Variants in SPAG16 observed in about 807,000 individuals in gnomAD.
SPAG16 encodes sperm associated antigen 16, also known as sperm-associated antigen 16 protein.
In SPAG16, 86 loss-of-function variants were observed where a neutral mutation model predicts 80.4. The ratio of observed to expected loss-of-function variants is 1.07; its 90% CI spans 0.90 to 1.28. SPAG16 has a LOEUF of 1.28. Ranked by LOEUF, SPAG16 falls within the 50% of genes most tolerant of loss-of-function variation. The pLI, the probability that SPAG16 is intolerant of heterozygous loss-of-function variation, is 0.00. For synonymous variants in SPAG16, 294 were observed against 265.9 expected, an observed-to-expected ratio of 1.11 and a Z score of -1.03; for missense variants, 870 against 765.3, an observed-to-expected ratio of 1.14 and a Z score of -1.61.
intron 10 of SPAG16, among the ~76,000 whole-genome samples, chr2:213,495,878 T>G (rs373625717): frequency 6.6e-6 from 1 of 152,222 alleles, no homozygotes; most frequent in East Asian, 1.9e-4. Context: ...GGGTCCGGCA[T>G]GGACAGAATA....
At chr2:214,229,364 G>C (rs1688527876) in intron 15 of SPAG16, among the ~76,000 whole-genome samples, 1 of 151,614 alleles carries the variant, frequency 6.6e-6, no homozygotes, top group Admixed American at 6.6e-5. Context: ...AGATGTGAGA[G>C]AGAAGAATGG....
At chr2:214,018,139 T>C (rs537052852) in intron 13 of SPAG16, among the ~76,000 whole-genome samples, 11 of 151,930 alleles carry the variant, frequency 7.2e-5, no homozygotes, top group Non-Finnish European at 1.2e-4. Flanking sequence ...TTAACGAAAA[T>C]ATTGATATAA....
intron 4 of SPAG16, among the ~76,000 whole-genome samples, chr2:213,316,427 C>T (rs915124186): frequency 6.6e-6 from 1 of 152,100 alleles, no homozygotes; most frequent in Non-Finnish European, 1.5e-5. Flanking sequence ...TAACTGGTCT[C>T]TCTGATTCTA....
At chr2:213,405,108 C>G (rs1007594220) in intron 9 of SPAG16, among the ~76,000 whole-genome samples, 4 of 152,088 alleles carry the variant, frequency 2.6e-5, no homozygotes, top group African/African-American at 9.7e-5. Context: ...TCACTACTGT[C>G]GAGTGTAACA....
chr2:213,441,178 A>G (rs1309824662), intron 9 of SPAG16, among the ~76,000 whole-genome samples: 1 of 152,212 alleles, frequency 6.6e-6, no homozygotes, highest in Non-Finnish European at 1.5e-5. Context: ...AAAATAAAAC[A>G]AAACTAAGCC....
chr2:213,895,928 A>T (rs1225673620), intron 11 of SPAG16, among the ~76,000 whole-genome samples: 3 of 150,756 alleles, frequency 2.0e-5, no homozygotes, highest in Admixed American at 1.3e-4. Flanking sequence ...AATAAAAAAT[A>T]AAAAAAAATG....
At chr2:213,308,697 T>C (rs758197435) in intron 3 of SPAG16, among the ~76,000 whole-genome samples, 11 of 152,148 alleles carry the variant, frequency 7.2e-5, no homozygotes, top group Non-Finnish European at 1.3e-4. Context: ...CCAAGGAAGA[T>C]TGCTTTGACA....
At chr2:214,213,684 TGCTCAGA>T (rs2058353587) in intron 15 of SPAG16, among the ~76,000 whole-genome samples, 1 of 152,196 alleles carries the variant, frequency 6.6e-6, no homozygotes, top group East Asian at 1.9e-4. Flanking sequence ...GGAATGTATG[TGCTCAGA>T]GAAGGATTGA....
At chr2:213,610,419 G>A (rs2061405259) in intron 10 of SPAG16, among the ~76,000 whole-genome samples, 1 of 152,044 alleles carries the variant, frequency 6.6e-6, no homozygotes, top group African/African-American at 2.4e-5. Flanking sequence ...TATTCTCTCC[G>A]AGGGCTGCTT....
At chr2:213,599,420 A>G (rs1397989847) in intron 10 of SPAG16, among the ~76,000 whole-genome samples, 1 of 152,156 alleles carries the variant, frequency 6.6e-6, no homozygotes, top group African/African-American at 2.4e-5. Context: ...CAGCCCTGGG[A>G]CAACATGGCC....
chr2:213,876,664 T>TC (rs2106008787), intron 11 of SPAG16, among the ~76,000 whole-genome samples: 1 of 152,260 alleles, frequency 6.6e-6, no homozygotes, highest in East Asian at 1.9e-4. Context: ...TGTTTACTTT[T>TC]CCCCTCCATC....
intron 12 of SPAG16, among the ~76,000 whole-genome samples, chr2:213,964,811 T>A (rs2044624243): frequency 6.6e-6 from 1 of 152,250 alleles, no homozygotes; most frequent in South Asian, 2.1e-4. Flanking sequence ...CTTTCAACCC[T>A]GGACTTTTCA....
intron 10 of SPAG16, among the ~76,000 whole-genome samples, chr2:213,845,432 G>A (rs1260227855): frequency 2.6e-5 from 4 of 152,074 alleles, no homozygotes; most frequent in South Asian, 2.1e-4. Context: ...TCTTGACCTC[G>A]TGATCCACCC....
At chr2:213,791,496 A>G (rs2070701801) in intron 10 of SPAG16, among the ~76,000 whole-genome samples, 2 of 152,126 alleles carry the variant, frequency 1.3e-5, no homozygotes, top group Admixed American at 6.5e-5. Flanking sequence ...ACTATTTGAC[A>G]ACAGCTTAAA....
At chr2:214,183,772 T>C (rs1172620880) in intron 15 of SPAG16, among the ~76,000 whole-genome samples, 1 of 152,018 alleles carries the variant, frequency 6.6e-6, no homozygotes, top group East Asian at 1.9e-4. Flanking sequence ...GAGAGCCTGC[T>C]TGTCTTTTCC....
At chr2:213,459,728 T>G (rs1371093759) in intron 9 of SPAG16, among the ~76,000 whole-genome samples, 1 of 152,244 alleles carries the variant, frequency 6.6e-6, no homozygotes, top group Non-Finnish European at 1.5e-5. Context: ...TGCATGCATG[T>G]CGCTATTCTC....
intron 12 of SPAG16, among the ~76,000 whole-genome samples, chr2:213,960,107 C>T (rs1056199108): frequency 2.6e-5 from 4 of 151,994 alleles, no homozygotes; most frequent in Non-Finnish European, 4.4e-5. Context: ...TTATAATTTC[C>T]AATACCCTAT....
Position 213,719,228 on chromosome 2 carries a change from C to T in SPAG16, c.1071-143257C>T, listed in dbSNP as rs530292705. Among the ~76,000 whole-genome samples the T allele has an allele frequency of 9.2e-5, 14 of 152,180 alleles. No homozygotes were observed. The South Asian group carries it at 1.2e-3, about 14-fold the overall frequency. On this transcript the variant is annotated intron_variant, in intron 10 of 15. Transcript: ENST00000331683. ...GAGTGCACCAATCGACACTCTGTAT[C>T]TAGCTGCTCTGGTGGGGCCTTGGAG...
rs942186386 is a variant in SPAG16, at chr2:214,385,630, C to T, written c.1721-24510C>T. ...AGGCCGAGGCAGGTGGATCACATGA[C>T]GTCAGGAGTTCAAGACCAGCCTGGC... On this transcript the variant is annotated intron_variant, in intron 15 of 15. Transcript: ENST00000331683. Among the ~76,000 whole-genome samples, 9 of 152,130 alleles carry T rather than the reference C, an allele frequency of 5.9e-5. No individual in the cohort carries two copies. The East Asian group carries it at 7.8e-4, about 13-fold the overall frequency.
Sources: allele counts gnomAD v4.1 joint callset (sites outside exome capture counted in the v4.1 genomes callset), GRCh38; gene constraint gnomAD v4.1.1; transcripts MANE v1.5; gene names NCBI Gene and HGNC (gene_info 2026-07-23, HGNC 2026-07-21).